CMKLR1: variants seen among roughly 807,000 people sequenced by gnomAD.
CMKLR1 encodes chemerin-like receptor 1.
Under a neutral mutation model 8.2 loss-of-function variants are expected in CMKLR1, and 6 were observed. That is an observed-to-expected ratio of 0.73 (90% CI 0.40 to 1.44). The LOEUF is 1.44. Among genes scored for constraint, CMKLR1 ranks in the 40% most tolerant of loss-of-function variants. The pLI is 0.02. For synonymous variants in CMKLR1, 178 were observed against 181.2 expected, an observed-to-expected ratio of 0.98 and a Z score of 0.14; for missense variants, 429 against 478.0, an observed-to-expected ratio of 0.90 and a Z score of 0.96.
chr12:108,331,248 G>T (rs577512925), intron 1 of CMKLR1, among the ~76,000 whole-genome samples: 1 of 152,080 alleles, frequency 6.6e-6, no homozygotes, highest in South Asian at 2.1e-4. Flanking sequence ...ACAACATGCC[G>T]CCATCCCCAT....
chr12:108,324,151 C>A (rs1891927695), intron 2 of CMKLR1, among the ~76,000 whole-genome samples: 1 of 152,152 alleles, frequency 6.6e-6, no homozygotes, highest in African/African-American at 2.4e-5. Context: ...TGGGTTCTTG[C>A]CGGTCTCTTT....
chr12:108,304,348 G>T (rs1020438274), intron 2 of CMKLR1, among the ~76,000 whole-genome samples: 1 of 152,154 alleles, frequency 6.6e-6, no homozygotes, highest in Non-Finnish European at 1.5e-5. Flanking sequence ...TTCCCCTGCC[G>T]GTGTGTGTCC....
chr12:108,319,442 G>C (rs1429871350), intron 2 of CMKLR1, among the ~76,000 whole-genome samples: 1 of 152,298 alleles, frequency 6.6e-6, no homozygotes, highest in East Asian at 1.9e-4. Context: ...AAGGGTACAG[G>C]TTCTGAAGCC....
At chr12:108,303,082 G>A (rs1332490495) in intron 2 of CMKLR1, among the ~76,000 whole-genome samples, 1 of 152,072 alleles carries the variant, frequency 6.6e-6, no homozygotes, top group African/African-American at 2.4e-5. Flanking sequence ...CCCTGACCGA[G>A]CCACAGTGGC....
At chr12:108,307,166 A>G (rs1198148317) in intron 2 of CMKLR1, among the ~76,000 whole-genome samples, 1 of 152,206 alleles carries the variant, frequency 6.6e-6, no homozygotes, top group African/African-American at 2.4e-5. Context: ...TCCCCAAGCT[A>G]TGAACACATT....
chr12:108,303,149 G>A (rs144220645), intron 2 of CMKLR1, among the ~76,000 whole-genome samples: 52 of 152,322 alleles, frequency 3.4e-4, no homozygotes, highest in African/African-American at 1.1e-3. Flanking sequence ...CCCGTTAGGC[G>A]GGAATGAACT....
chr12:108,294,135 T>C (rs1566018108), intron 2 of CMKLR1, among the ~76,000 whole-genome samples: 1 of 152,222 alleles, frequency 6.6e-6, no homozygotes, highest in Non-Finnish European at 1.5e-5. Context: ...TTTCTTGTTA[T>C]TTAGTCTTCC....
chr12:108,310,012 G>A (rs1236458570), intron 2 of CMKLR1, among the ~76,000 whole-genome samples: 2 of 152,338 alleles, frequency 1.3e-5, no homozygotes, highest in South Asian at 4.1e-4. Flanking sequence ...ACAAAGTAAA[G>A]AGAAAGGGCT....
intron 2 of CMKLR1, among the ~76,000 whole-genome samples, chr12:108,295,284 G>A (rs1292602860): frequency 6.6e-6 from 1 of 152,250 alleles, no homozygotes; most frequent in Non-Finnish European, 1.5e-5. Context: ...CAAGCATGCA[G>A]GCAGGGGCTG....
At chr12:108,314,222 A>G (rs1482482734) in intron 2 of CMKLR1, among the ~76,000 whole-genome samples, 4 of 152,324 alleles carry the variant, frequency 2.6e-5, no homozygotes, top group Admixed American at 2.0e-4. Flanking sequence ...AAATGGAGTC[A>G]CGGCTAAGGG....
chr12:108,331,488 C>T (rs1892107211), intron 1 of CMKLR1, among the ~76,000 whole-genome samples: 3 of 152,088 alleles, frequency 2.0e-5, no homozygotes, highest in South Asian at 2.1e-4. Flanking sequence ...TATCTAAATT[C>T]GAAATTCAAG....
intron 2 of CMKLR1, among the ~76,000 whole-genome samples, chr12:108,301,642 C>T (rs1377198842): frequency 6.6e-6 from 1 of 152,204 alleles, no homozygotes; most frequent in Non-Finnish European, 1.5e-5. Context: ...GGAGCCAAGC[C>T]CATTAGAAAT....
intron 1 of CMKLR1, among the ~76,000 whole-genome samples, chr12:108,330,548 T>C (rs1339639953): frequency 6.6e-6 from 1 of 152,220 alleles, no homozygotes; most frequent in Admixed American, 6.5e-5. Flanking sequence ...GACTAGATCA[T>C]GTCAAGGTCA....
chr12:108,298,313 T>G lies in CMKLR1; in HGVS notation c.-73-4649A>C, dbSNP rs138924395. 9.0e-3 allele frequency among the ~76,000 whole-genome samples: 1,376 copies of G among 152,316 alleles called. 22 individuals are homozygous for G. Among genetic ancestry groups the G allele is most frequent in the African/African-American group, 0.032 (1,332 of 41,554 alleles). ...CAAACACTGTATCAAGCACTTTCAT[T>G]GCATCAGCTCATGCATCTCCAACAA... On this transcript the variant is annotated intron_variant, in intron 2 of 3. Transcript: ENST00000550402.
intron 2 of CMKLR1, among the ~76,000 whole-genome samples, chr12:108,313,013 A>G (rs1442933885): frequency 6.6e-6 from 1 of 152,106 alleles, no homozygotes; most frequent in African/African-American, 2.4e-5. Flanking sequence ...ACGAGCACAG[A>G]GGCCTTGGAG....
chr12:108,298,496 G>A (rs1486342666), intron 2 of CMKLR1, among the ~76,000 whole-genome samples: 3 of 152,120 alleles, frequency 2.0e-5, no homozygotes, highest in Non-Finnish European at 2.9e-5. Flanking sequence ...CACATTTACC[G>A]ATGTCTGTTC....
chr12:108,292,108 G>T lies in CMKLR1; in HGVS notation c.855C>A (p.His285Gln). The T allele has an allele frequency of 3.7e-6, 6 of 1,614,228 alleles. No individual in the cohort carries two copies. The highest frequency in any genetic ancestry group is 5.1e-6 in the Non-Finnish European group (6 of 1,180,022). The change falls in exon 4 of 4, where the codon CAC (histidine) becomes CAA (glutamine). Residue 285 changes from histidine to glutamine, a missense_variant. Transcript: ENST00000550402. ...AGACAGAGCCAGGCATGGCAGTGTG[G>T]TGGAGCTCTAGGAGGTTGAGTGTGT... ...PYHTLNLLELHHTAMPGSVFS... is the reference protein window; with the variant it reads ...PYHTLNLLELQHTAMPGSVFS...
intron 2 of CMKLR1, among the ~76,000 whole-genome samples, chr12:108,304,604 CCT>C (rs985979033): frequency 2.0e-5 from 3 of 152,140 alleles, no homozygotes; most frequent in Admixed American, 6.5e-5. Context: ...TCTGTGTTTG[CCT>C]CTCTTTGTTC....
chr12:108,315,174 C>T lies in CMKLR1; in HGVS notation c.-74+14821G>A, dbSNP rs184194765. ...CTGGTCTCAGGTGATCCACCTGCCT[C>T]GGCCTCCCAAAGTGCTGGGATTACA... On this transcript the variant is annotated intron_variant, in intron 2 of 3. Coordinates refer to ENST00000550402, the MANE Select transcript of CMKLR1 (RefSeq NM_001142343.2). 5.9e-5 allele frequency among the ~76,000 whole-genome samples: 9 copies of T among 152,036 alleles called. No homozygotes were observed. In the East Asian group the frequency reaches 9.7e-4, roughly 16 times the overall value.
Sources: gnomAD v4.1 joint callset for allele counts (sites outside exome capture counted in the v4.1 genomes callset) on GRCh38, gnomAD v4.1.1 for gene constraint, MANE v1.5 for transcripts, NCBI Gene and HGNC (gene_info 2026-07-23, HGNC 2026-07-21) for gene names.